ZMIZ1: variants seen among roughly 807,000 people sequenced by gnomAD.
ZMIZ1 encodes zinc finger MIZ domain-containing protein 1.
ZMIZ1 carries 17 observed loss-of-function variants against 113.9 expected under a neutral mutation model. The observed-to-expected ratio is 0.15, with a 90% CI of 0.10 to 0.22. ZMIZ1 has a LOEUF of 0.22. Ranked by LOEUF, ZMIZ1 falls within the 10% of genes least tolerant of loss-of-function variation. The probability of loss-of-function intolerance (pLI) is 1.00; values close to 1 mark genes in which losing one functional copy is unlikely to be tolerated. For missense variants in ZMIZ1, 1,059 were observed against 1,477.8 expected (o/e 0.72, Z 4.65); for synonymous variants, 607 against 603.1 (o/e 1.01, Z -0.09).
intron 5 of ZMIZ1, among the ~76,000 whole-genome samples, chr10:79,204,008 C>T (rs898660622): frequency 6.6e-6 from 1 of 152,232 alleles, no homozygotes; most frequent in Admixed American, 6.5e-5. Flanking sequence ...TGCCCCTCCT[C>T]CCACATCTCC....
intron 16 of ZMIZ1, among the ~76,000 whole-genome samples, chr10:79,300,261 C>G (rs1018675587): frequency 9.8e-5 from 15 of 152,304 alleles, no homozygotes; most frequent in African/African-American, 3.6e-4. Context: ...ACTGCTGGTT[C>G]CTGACACTCC....
chr10:79,112,729 G>A (rs902177077), intron 1 of ZMIZ1, among the ~76,000 whole-genome samples: 1 of 152,174 alleles, frequency 6.6e-6, no homozygotes, highest in Non-Finnish European at 1.5e-5. Context: ...ACATTTCCCC[G>A]AAACCAGGCA....
intron 1 of ZMIZ1, among the ~76,000 whole-genome samples, chr10:79,079,953 TTA>T (rs921786194): frequency 6.6e-6 from 1 of 152,214 alleles, no homozygotes; most frequent in African/African-American, 2.4e-5. Context: ...CCACTGGCAC[TTA>T]TATTGAGGGG....
At chr10:79,244,084 T>C (rs906255339) in intron 7 of ZMIZ1, among the ~76,000 whole-genome samples, 1 of 152,184 alleles carries the variant, frequency 6.6e-6, no homozygotes, top group Admixed American at 6.5e-5. Context: ...AAAATAAGAA[T>C]CGGCCAGGAT....
rs1190209698 is a variant in ZMIZ1 at position 79,314,257 on chromosome 10, G to A, written c.*1508G>A. On this transcript the variant is annotated 3_prime_UTR_variant, in exon 25 of 25. Coordinates refer to ENST00000334512, the MANE Select transcript of ZMIZ1 (RefSeq NM_020338.4). ...CCCCGTGAGCCACATGGCCTAGGGT[G>A]ATGCCAGGTTGTCCCGTCACTGGGG... 6.6e-6 allele frequency: 3 copies of A among 456,848 alleles called. No individual in the cohort carries two copies. In the Admixed American group the frequency reaches 7.0e-5, roughly 11 times the overall value. The allele number at this position is 456,848 out of a possible 1,614,324, so 28.3% of individuals were successfully genotyped here.
intron 9 of ZMIZ1, among the ~76,000 whole-genome samples, chr10:79,290,523 G>A (rs1317942013): frequency 2.0e-5 from 3 of 152,158 alleles, no homozygotes; most frequent in Non-Finnish European, 2.9e-5. Flanking sequence ...GTTCCTCTTG[G>A]CCCTCACAGA....
At chr10:79,082,698 C>G (rs1866160) in intron 1 of ZMIZ1, among the ~76,000 whole-genome samples, 19,840 of 152,286 alleles carry the variant, frequency 0.13, 1,426 homozygotes, top group East Asian at 0.2. Flanking sequence ...CCTTCCCAGG[C>G]TTTGTGTGGA....
intron 1 of ZMIZ1, among the ~76,000 whole-genome samples, chr10:79,093,750 C>T (rs1196172088): frequency 1.3e-5 from 2 of 152,234 alleles, no homozygotes; most frequent in Non-Finnish European, 2.9e-5. Context: ...GCTCCCACTA[C>T]CCTATGCACA....
chr10:79,093,275 G>A (rs569304296), intron 1 of ZMIZ1, among the ~76,000 whole-genome samples: 2 of 150,836 alleles, frequency 1.3e-5, no homozygotes, highest in African/African-American at 4.9e-5. Flanking sequence ...AAGGACTGCT[G>A]TACCCCAGTT....
intron 10 of ZMIZ1, among the ~76,000 whole-genome samples, chr10:79,291,625 G>C (rs1229448655): frequency 6.6e-6 from 1 of 152,218 alleles, no homozygotes; most frequent in Non-Finnish European, 1.5e-5. Flanking sequence ...GAGTCCCTTG[G>C]CTGGGAAGAA....
chr10:79,300,429 T>C (rs1193656739), intron 16 of ZMIZ1, among the ~76,000 whole-genome samples: 1 of 152,158 alleles, frequency 6.6e-6, no homozygotes, highest in Non-Finnish European at 1.5e-5. Context: ...CCTCTGTCTC[T>C]GTCCTGGGGA....
intron 2 of ZMIZ1, among the ~76,000 whole-genome samples, chr10:79,137,404 A>G (rs1320447645): frequency 6.6e-6 from 1 of 152,226 alleles, no homozygotes; most frequent in African/African-American, 2.4e-5. Flanking sequence ...TGCAGGACAC[A>G]GAGCCCTGTG....
At chr10:79,250,957 C>T (rs940139671) in intron 7 of ZMIZ1, among the ~76,000 whole-genome samples, 16 of 152,122 alleles carry the variant, frequency 1.1e-4, no homozygotes, top group East Asian at 1.9e-4. Flanking sequence ...GGCGCAAGGC[C>T]GGAAGACCAT....
intron 1 of ZMIZ1, among the ~76,000 whole-genome samples, chr10:79,100,152 A>G (rs1240645787): frequency 6.6e-6 from 1 of 152,056 alleles, no homozygotes; most frequent in Non-Finnish European, 1.5e-5. Flanking sequence ...TACCTGTAGC[A>G]TGAGGGGCTG....
At chr10:79,171,567 A>G (rs1024928652) in intron 4 of ZMIZ1, among the ~76,000 whole-genome samples, 1 of 152,244 alleles carries the variant, frequency 6.6e-6, no homozygotes, top group Admixed American at 6.5e-5. Context: ...TTCAGGAGAC[A>G]AAGAAACAGA....
At chr10:79,204,970 A>AGGATGGATGGAT (rs60981787) in intron 5 of ZMIZ1, among the ~76,000 whole-genome samples, 24 of 151,100 alleles carry the variant, frequency 1.6e-4, no homozygotes, top group African/African-American at 4.4e-4. Flanking sequence ...TGATTCATTT[A>AGGATGGATGGAT]GGATGGATGG....
chr10:79,271,186 G>A (rs538663254), intron 7 of ZMIZ1, among the ~76,000 whole-genome samples: 1 of 152,312 alleles, frequency 6.6e-6, no homozygotes, highest in Non-Finnish European at 1.5e-5. Flanking sequence ...TGAACTTCTG[G>A]AGCTTCGTGC....
At chr10:79,119,738 T>A (rs1232754373) in intron 2 of ZMIZ1, among the ~76,000 whole-genome samples, 1 of 152,168 alleles carries the variant, frequency 6.6e-6, no homozygotes, top group Non-Finnish European at 1.5e-5. Context: ...CTGGTGGGTC[T>A]GGGGTCATGA....
chr10:79,297,083 T>TA lies in ZMIZ1; in HGVS notation c.1413+431dup, dbSNP rs1853950747. The TA allele has an allele frequency of 1.7e-5, 3 of 174,330 alleles. No individual in the cohort carries two copies. The Admixed American group carries it at 1.8e-4, about 11-fold the overall frequency. 10.8% of individuals were successfully genotyped at this position (174,330 alleles called of 1,614,324 possible). A position where few individuals can be genotyped will look rare whatever the true frequency, so the allele number is the denominator to read the frequency against. The stretch of plus-strand genomic sequence containing the variant: ...AACATGACATAATAAGGATGATACT[T>TA]ACTGCTACTAGAGCCCCTGGGGTTT... On this transcript the variant is annotated intron_variant, in intron 13 of 24. Transcript: ENST00000334512.
Sources: allele counts gnomAD v4.1 joint callset (sites outside exome capture counted in the v4.1 genomes callset), GRCh38; gene constraint gnomAD v4.1.1; transcripts MANE v1.5; gene names NCBI Gene and HGNC (gene_info 2026-07-23, HGNC 2026-07-21).